The following POLR1D variants were observed in gnomAD, a reference collection of about 807,000 sequenced individuals.
POLR1D encodes RNA polymerase I and III subunit D, also known as DNA-directed RNA polymerases I and III subunit RPAC2.
A neutral mutation model predicts 10.8 loss-of-function variants in POLR1D; 8 were observed. The ratio of observed to expected loss-of-function variants is 0.74; its 90% confidence interval spans 0.43 to 1.33. POLR1D has a LOEUF of 1.33. Ranked by LOEUF, POLR1D falls within the 40% of genes most tolerant of loss-of-function variation. POLR1D has a pLI of 0.01. For missense variants in POLR1D, 152 were observed against 161.7 expected, an observed-to-expected ratio of 0.94 and a Z score of 0.32; for synonymous variants, 54 against 57.2, an observed-to-expected ratio of 0.94 and a Z score of 0.25.
chr13:27,623,142 A>G lies in POLR1D; in HGVS notation c.294A>G (p.Arg98=). 1 of 1,614,202 alleles carries G rather than the reference A, an allele frequency of 6.2e-7. No homozygotes were observed. The highest frequency in any genetic ancestry group is 8.5e-7 in the Non-Finnish European group (1 of 1,180,020). Reference sequence around the variant, plus strand: ...TTCCAGCTGTTGAGCCATTTCAGAGAGGCCTGAATGAGCTCATGAATGTCT... The same window carrying G: ...TTCCAGCTGTTGAGCCATTTCAGAGGGGCCTGAATGAGCTCATGAATGTCT... The part of the protein sequence containing the change: ...GTLPAVEPFQ[R]GLNELMNVCQ... Residue 98 remains arginine, a synonymous_variant, in exon 2 of 2, where the codon AGA becomes AGG. Coordinates refer to ENST00000302979, the MANE Select transcript of POLR1D (RefSeq NM_015972.4).
Position 27,623,374 on chromosome 13 carries a change from T to C in POLR1D, c.*124T>C. 1 of 1,527,846 alleles carries C rather than the reference T, an allele frequency of 6.5e-7. No individual in the cohort carries two copies. The highest frequency in any genetic ancestry group is 2.4e-5 in the East Asian group (1 of 40,944). The allele number at this position is 1,527,846 out of a possible 1,614,324, so 94.6% of individuals were successfully genotyped here. On this transcript the variant is annotated 3_prime_UTR_variant, in exon 2 of 2. Transcript: ENST00000302979. ...TCCTTCAGAAAGGCGTGATTCTAGC[T>C]GTTGACCCCTTGCAGCTGTTGGAAT...
chr13:27,653,504 C>T (rs1956284755), intron 2 of POLR1D, among the ~76,000 whole-genome samples: 1 of 152,226 alleles, frequency 6.6e-6, no homozygotes, highest in South Asian at 2.1e-4. Context: ...TACACTTTCC[C>T]ATGAGTCTGA....
At chr13:27,626,334 C>G (rs915211225), downstream of POLR1D, among the ~76,000 whole-genome samples, 11 of 152,186 alleles carry the variant, frequency 7.2e-5, no homozygotes, top group Admixed American at 2.0e-4. Context: ...GACCGCTCAC[C>G]ACATCACAAC....
intron 1 of POLR1D, 21 bp from the exon 2 acceptor site, chr13:27,622,854 T>G: frequency 6.5e-7 from 1 of 1,534,460 alleles, no homozygotes; most frequent in Non-Finnish European, 9.0e-7. Flanking sequence ...GATCTCATTT[T>G]TATAAAAAAT....
chr13:27,638,013 C>G (rs1305924684), intron 1 of POLR1D, among the ~76,000 whole-genome samples: 1 of 151,618 alleles, frequency 6.6e-6, no homozygotes, highest in Non-Finnish European at 1.5e-5. Context: ...ACTATTTTTT[C>G]AAAATCTCTC....
chr13:27,657,457 C>T (rs756737720), intron 2 of POLR1D, among the ~76,000 whole-genome samples: 7 of 152,010 alleles, frequency 4.6e-5, no homozygotes, highest in East Asian at 1.9e-4. Flanking sequence ...ACCTAGGAGG[C>T]GGAGGTTGCA....
At chr13:27,621,160 G>A, upstream of POLR1D, 1 of 153,080 alleles carries the variant, frequency 6.5e-6, no homozygotes, top group Non-Finnish European at 1.5e-5. Flanking sequence ...GGTTCCGCAG[G>A]TGAGGAGGTT....
intron 2 of POLR1D, chr13:27,650,778 A>C (rs1956261961): frequency 6.6e-6 from 1 of 152,234 alleles, no homozygotes; most frequent in Admixed American, 6.5e-5. Flanking sequence ...AAAACAAATA[A>C]ATGATTAAAA....
chr13:27,644,320 A>G (rs1457912875), intron 1 of POLR1D, among the ~76,000 whole-genome samples: 1 of 152,342 alleles, frequency 6.6e-6, no homozygotes, highest in East Asian at 1.9e-4. Context: ...TTAAAAAGAA[A>G]CAGACCCAGA....
downstream of POLR1D, among the ~76,000 whole-genome samples, chr13:27,626,878 C>G (rs532670016): frequency 6.6e-6 from 1 of 152,294 alleles, no homozygotes; most frequent in African/African-American, 2.4e-5. Flanking sequence ...GCATAATGCA[C>G]AGGTTCACAC....
At chr13:27,624,287 T>A (rs1256166681), downstream of POLR1D, among the ~76,000 whole-genome samples, 2 of 152,220 alleles carry the variant, frequency 1.3e-5, no homozygotes, top group Non-Finnish European at 2.9e-5. Context: ...GTAGTGCTTA[T>A]CTTGTTTACC....
At chr13:27,643,630 A>G (rs1956195237) in intron 1 of POLR1D, among the ~76,000 whole-genome samples, 1 of 152,126 alleles carries the variant, frequency 6.6e-6, no homozygotes, top group Non-Finnish European at 1.5e-5. Context: ...CAATGACCTG[A>G]CATCAAAACT....
At chr13:27,659,739 C>G (rs1206361360) in intron 2 of POLR1D, among the ~76,000 whole-genome samples, 1 of 152,054 alleles carries the variant, frequency 6.6e-6, no homozygotes, top group African/African-American at 2.4e-5. Context: ...GGATTATAGC[C>G]TTGCAAACTG....
chr13:27,623,316 A>G lies in POLR1D; in HGVS notation c.*66A>G, dbSNP rs1955972708. 1.2e-6 allele frequency: 2 copies of G among 1,605,738 alleles called. No homozygotes were observed. The highest frequency in any genetic ancestry group is 1.7e-6 in the Non-Finnish European group (2 of 1,176,968). ...TTCTCTTCCTGATGGTGCAGAACCC[A>G]GAATTAGAAGTTTGTGGTTACAGCA... On this transcript the variant is annotated 3_prime_UTR_variant, in exon 2 of 2. Transcript: ENST00000302979.
intron 2 of POLR1D, among the ~76,000 whole-genome samples, chr13:27,655,110 G>C (rs1415811504): frequency 6.6e-6 from 1 of 152,114 alleles, no homozygotes; most frequent in Admixed American, 6.5e-5. Flanking sequence ...GTTGAAGATA[G>C]GATGTCTACC....
chr13:27,629,406 G>A (rs917385738), intron 1 of POLR1D, among the ~76,000 whole-genome samples: 55 of 152,146 alleles, frequency 3.6e-4, no homozygotes, highest in African/African-American at 1.2e-3. Flanking sequence ...AAAGTGCTTA[G>A]GACAGTACCT....
intron 2 of POLR1D, among the ~76,000 whole-genome samples, chr13:27,661,974 T>A (rs1956368907): frequency 6.6e-6 from 1 of 152,246 alleles, no homozygotes; most frequent in Non-Finnish European, 1.5e-5. Context: ...CTGAAACTTC[T>A]ACAAATACAA....
At chr13:27,633,652 C>T (rs1956095451) in intron 1 of POLR1D, among the ~76,000 whole-genome samples, 1 of 152,210 alleles carries the variant, frequency 6.6e-6, no homozygotes, top group South Asian at 2.1e-4. Context: ...CAGACTCTTG[C>T]ACTTTTCCCT....
At chr13:27,644,626 A>T (rs575165172) in intron 1 of POLR1D, among the ~76,000 whole-genome samples, 2 of 152,232 alleles carry the variant, frequency 1.3e-5, no homozygotes, top group Non-Finnish European at 2.9e-5. Context: ...TTAGTATTCT[A>T]ATATAATTAA....
Sources: allele counts gnomAD v4.1 joint callset (sites outside exome capture counted in the v4.1 genomes callset), GRCh38; gene constraint gnomAD v4.1.1; transcripts MANE v1.5; gene names NCBI Gene and HGNC (gene_info 2026-07-23, HGNC 2026-07-21).